CDK15: variants seen among roughly 807,000 people sequenced by gnomAD.
The protein encoded by CDK15 is cyclin-dependent kinase 15.
In CDK15, 62 loss-of-function variants were observed where a neutral mutation model predicts 60.3. The observed-to-expected ratio is 1.03, with a 90% CI of 0.84 to 1.27. The LOEUF (loss-of-function observed/expected upper bound fraction) is 1.27, where lower values mean the gene tolerates loss of function less well. Ranked by LOEUF, CDK15 falls within the 50% of genes most tolerant of loss-of-function variation. The probability of loss-of-function intolerance (pLI) is 0.00; values close to 1 mark genes in which losing one functional copy is unlikely to be tolerated. For missense variants in CDK15, 541 were observed against 527.8 expected (o/e 1.03, Z -0.25); for synonymous variants, 194 against 195.7 (o/e 0.99, Z 0.07).
intron 12 of CDK15, chr2:201,888,812 C>G (rs1699548430): frequency 8.9e-7 from 1 of 1,125,944 alleles, no homozygotes; most frequent in Admixed American, 4.5e-5. Flanking sequence ...GCCACTGTCC[C>G]CAAGGCAAGA....
At chr2:201,860,868 A>G (rs764496872) in intron 10 of CDK15, 14 of 1,351,860 alleles carry the variant, frequency 1.0e-5, no homozygotes, top group Middle Eastern at 4.2e-4. Flanking sequence ...CTGCGTCTGA[A>G]ACCACTATGA....
intron 4 of CDK15, among the ~76,000 whole-genome samples, chr2:201,818,789 G>C (rs1268327023): frequency 6.6e-6 from 1 of 152,122 alleles, no homozygotes; most frequent in Non-Finnish European, 1.5e-5. Flanking sequence ...ATAATCTAAT[G>C]AGGGAGACAA....
At chr2:201,811,750 C>T (rs1695778217) in intron 3 of CDK15, among the ~76,000 whole-genome samples, 2 of 152,098 alleles carry the variant, frequency 1.3e-5, no homozygotes, top group East Asian at 1.9e-4. Context: ...CTAAGTAATG[C>T]GTGGAGATAT....
intron 12 of CDK15, among the ~76,000 whole-genome samples, chr2:201,887,989 C>T (rs1235301115): frequency 2.0e-5 from 3 of 149,934 alleles, no homozygotes; most frequent in East Asian, 1.9e-4. Flanking sequence ...CCACGTGACA[C>T]GGAAGATTAC....
At chr2:201,868,883 A>G (rs1458525555) in intron 10 of CDK15, among the ~76,000 whole-genome samples, 1 of 152,186 alleles carries the variant, frequency 6.6e-6, no homozygotes, top group Non-Finnish European at 1.5e-5. Context: ...GAAACAACAA[A>G]TGCTGGAGAG....
chr2:201,836,185 AT>A (rs1321241287), intron 8 of CDK15, among the ~76,000 whole-genome samples: 3 of 78,570 alleles, frequency 3.8e-5, no homozygotes, highest in African/African-American at 8.1e-5. Context: ...TATTATATAT[AT>A]TTTTTTATAT....
intron 8 of CDK15, among the ~76,000 whole-genome samples, chr2:201,845,485 C>T (rs2105770441): frequency 6.6e-6 from 1 of 151,506 alleles, no homozygotes; most frequent in South Asian, 2.1e-4. Flanking sequence ...GGCACAGTGG[C>T]TCACATCTGT....
intron 8 of CDK15, among the ~76,000 whole-genome samples, chr2:201,837,043 C>T (rs1489498197): frequency 6.6e-6 from 1 of 152,044 alleles, no homozygotes; most frequent in Non-Finnish European, 1.5e-5. Flanking sequence ...CCTGTAATCA[C>T]AGCGCTTTGG....
chr2:201,835,863 T>A, intron 8 of CDK15, 100 bp downstream of exon 8: 1 of 458,530 alleles, frequency 2.2e-6, no homozygotes, highest in Non-Finnish European at 3.0e-6. Context: ...GGCAATCACG[T>A]ATATATTTTT....
intron 9 of CDK15, among the ~76,000 whole-genome samples, chr2:201,853,946 G>A (rs1259706624): frequency 2.0e-5 from 3 of 152,074 alleles, no homozygotes; most frequent in Non-Finnish European, 2.9e-5. Context: ...CAGATCACGA[G>A]GTCAGGAGAT....
chr2:201,828,048 GA>G (rs1696582898), intron 6 of CDK15, among the ~76,000 whole-genome samples: 1 of 152,184 alleles, frequency 6.6e-6, no homozygotes, highest in African/African-American at 2.4e-5. Context: ...GCATGAGGAG[GA>G]AAAGGATGGG....
intron 11 of CDK15, among the ~76,000 whole-genome samples, chr2:201,877,521 T>C (rs1212854928): frequency 6.6e-6 from 1 of 152,144 alleles, no homozygotes; most frequent in Non-Finnish European, 1.5e-5. Flanking sequence ...CACTACCCAA[T>C]AGTGTGGGTG....
chr2:201,881,026 G>T (rs1329494466), intron 12 of CDK15, among the ~76,000 whole-genome samples: 1 of 152,216 alleles, frequency 6.6e-6, no homozygotes, highest in East Asian at 1.9e-4. Context: ...GAAAGCTTAG[G>T]AGGGAGGGCC....
chr2:201,885,585 G>T (rs1198452084), intron 12 of CDK15, among the ~76,000 whole-genome samples: 1 of 152,172 alleles, frequency 6.6e-6, no homozygotes, highest in Admixed American at 6.5e-5. Flanking sequence ...TTGAGACGTG[G>T]TTTATGGGGT....
intron 6 of CDK15, among the ~76,000 whole-genome samples, chr2:201,831,716 T>A (rs1024586473): frequency 6.6e-6 from 1 of 152,150 alleles, no homozygotes; most frequent in Non-Finnish European, 1.5e-5. Context: ...TAGTCTACAC[T>A]TGGGACATAA....
intron 8 of CDK15, among the ~76,000 whole-genome samples, chr2:201,845,834 T>TA (rs762600745): frequency 3.5e-4 from 50 of 143,036 alleles, no homozygotes; most frequent in Admixed American, 8.5e-4. Context: ...GGTTTGCGGT[T>TA]AAAAAAAAAA....
chr2:201,836,635 T>G (rs545374788), intron 8 of CDK15, among the ~76,000 whole-genome samples: 53 of 151,496 alleles, frequency 3.5e-4, no homozygotes, highest in African/African-American at 1.2e-3. Context: ...AGCTCCTCTC[T>G]TTAATCCTTT....
chr2:201,880,072 T>G lies in CDK15; in HGVS notation c.1103T>G (p.Leu368Arg), dbSNP rs1488594759. ...GCTGAAGACCTGGCCTCCCAGATGC[T>G]AAAAGGCTTTCCCAGAGACCGCGTC... ...PEAEDLASQM[L>R]KGFPRDRVSA... The change falls in exon 12 of 14, where the codon CTA becomes CGA. Residue 368 changes from leucine (L) to arginine (R), a missense_variant. Leu to Arg is a moderately radical substitution (Grantham distance 102). Transcript: ENST00000652192. 3 of 1,614,026 alleles carry G rather than the reference T, an allele frequency of 1.9e-6. No homozygotes were observed. The African/African-American group carries it at 4.0e-5, about 22-fold the overall frequency.
At chr2:201,857,707 G>A (rs1358587359) in intron 10 of CDK15, among the ~76,000 whole-genome samples, 2 of 152,174 alleles carry the variant, frequency 1.3e-5, no homozygotes, top group Non-Finnish European at 2.9e-5. Flanking sequence ...TAAAAGTCCA[G>A]CCTATCTTGG....
Sources: gnomAD v4.1 joint callset for allele counts (sites outside exome capture counted in the v4.1 genomes callset) on GRCh38, gnomAD v4.1.1 for gene constraint, MANE v1.5 for transcripts, NCBI Gene and HGNC (gene_info 2026-07-23, HGNC 2026-07-21) for gene names.